RANBP17: variants seen among roughly 807,000 people sequenced by gnomAD.
RANBP17 encodes ran-binding protein 17.
Under a neutral mutation model 141.2 loss-of-function variants are expected in RANBP17, and 158 were observed. That is an observed-to-expected ratio of 1.12 (90% confidence interval 0.98 to 1.28). RANBP17 has a LOEUF of 1.28. Ranked by LOEUF, RANBP17 falls within the 50% of genes most tolerant of loss-of-function variation. The probability of loss-of-function intolerance (pLI) is 0.00; values close to 1 mark genes in which losing one functional copy is unlikely to be tolerated. For synonymous variants in RANBP17, 430 were observed against 450.0 expected, an observed-to-expected ratio of 0.96 and a Z score of 0.56; for missense variants, 1,438 against 1,290.7, an observed-to-expected ratio of 1.11 and a Z score of -1.75.
At chr5:171,208,688 A>T (rs1762712684) in intron 20 of RANBP17, among the ~76,000 whole-genome samples, 1 of 152,204 alleles carries the variant, frequency 6.6e-6, no homozygotes, top group African/African-American at 2.4e-5. Context: ...TTGGAATAGG[A>T]CAGTCCTAGA....
At chr5:171,090,007 G>T (rs1037308024) in intron 14 of RANBP17, among the ~76,000 whole-genome samples, 2 of 152,192 alleles carry the variant, frequency 1.3e-5, no homozygotes, top group Non-Finnish European at 2.9e-5. Flanking sequence ...TGTGAAAATG[G>T]ACCAGTATAG....
chr5:171,020,228 A>G (rs758586207), intron 14 of RANBP17, among the ~76,000 whole-genome samples: 3 of 152,174 alleles, frequency 2.0e-5, no homozygotes, highest in Non-Finnish European at 4.4e-5. Flanking sequence ...TGTCACTGAG[A>G]AGAATGTATA....
Position 170,878,095 on chromosome 5 carries a change from A to G in RANBP17, c.19-2A>G. 10 of 1,540,870 alleles carry G rather than the reference A, an allele frequency of 6.5e-6. No homozygotes were observed. The highest frequency in any genetic ancestry group is 8.7e-6 in the Non-Finnish European group (10 of 1,146,070). On this transcript the variant is annotated splice_acceptor_variant, in intron 1 of 27. Coordinates refer to ENST00000523189, the MANE Select transcript of RANBP17 (RefSeq NM_022897.5). LOFTEE classifies it high-confidence loss of function. ...AAAATGTTAATTTTTTTTTCTTTGA[A>G]GAGTTTGGCTGAATTGGAAGTGTTA...
chr5:171,060,335 T>C (rs1476926376), intron 14 of RANBP17, among the ~76,000 whole-genome samples: 1 of 150,786 alleles, frequency 6.6e-6, no homozygotes, highest in Non-Finnish European at 1.5e-5. Flanking sequence ...TTGAGATACG[T>C]CCCATCAATA....
At chr5:171,103,919 T>A (rs245773) in intron 14 of RANBP17, among the ~76,000 whole-genome samples, 1 of 151,666 alleles carries the variant, frequency 6.6e-6, no homozygotes, top group Non-Finnish European at 1.5e-5. Context: ...CGGCTCGCCC[T>A]CTGTGGACTG....
At chr5:171,154,023 A>G (rs1029964483) in intron 14 of RANBP17, among the ~76,000 whole-genome samples, 1 of 151,694 alleles carries the variant, frequency 6.6e-6, no homozygotes, top group Non-Finnish European at 1.5e-5. Context: ...GCAAAACTCC[A>G]TCTCAAAAAA....
At chr5:170,863,123 C>T (rs1160296977) in intron 1 of RANBP17, among the ~76,000 whole-genome samples, 3 of 152,150 alleles carry the variant, frequency 2.0e-5, no homozygotes, top group Non-Finnish European at 4.4e-5. Flanking sequence ...TTGCAGTCTA[C>T]TGGTCCTTGA....
Position 170,920,230 on chromosome 5 carries a change from A to T in RANBP17, c.1274+617A>T, listed in dbSNP as rs184672620. 3.0e-4 allele frequency among the ~76,000 whole-genome samples: 45 copies of T among 152,250 alleles called. 2 individuals carry two copies. Among genetic ancestry groups the T allele is most frequent in the African/African-American group, 1.1e-3 (44 of 41,558 alleles). ...ATATAGTATATATTTTACTTCGTAA[A>T]AGCTGCCGAACTATTTTCCAAAGTG... On this transcript the variant is annotated intron_variant, in intron 11 of 27. Coordinates refer to ENST00000523189, the MANE Select transcript of RANBP17 (RefSeq NM_022897.5).
chr5:171,073,999 A>G (rs1473455035), intron 14 of RANBP17, among the ~76,000 whole-genome samples: 1 of 152,198 alleles, frequency 6.6e-6, no homozygotes, highest in Non-Finnish European at 1.5e-5. Context: ...TTTAATAATT[A>G]TATAAATACT....
intron 14 of RANBP17, among the ~76,000 whole-genome samples, chr5:171,089,754 G>A (rs924698624): frequency 1.3e-5 from 2 of 151,964 alleles, no homozygotes; most frequent in Non-Finnish European, 2.9e-5. Flanking sequence ...TCTTTGACTC[G>A]GAAAGGGAAC....
rs200406647 is a variant in RANBP17, at chr5:170,897,361, T to TC, written c.489+1246_489+1247insC. On this transcript the variant is annotated intron_variant, in intron 5 of 27. Transcript: ENST00000523189. ...GCACATTTCTTCTTCTTCTTCTTCT[T>TC]TTTTTTTTTTAAATATTCCATTGCG... 1,494 of 473,012 alleles carry TC rather than the reference T, an allele frequency of 3.2e-3. 3 individuals are homozygous for TC. The highest frequency in any genetic ancestry group is 6.6e-3 in the African/African-American group (320 of 48,372). 29.3% of individuals were successfully genotyped at this position (473,012 alleles called of 1,614,324 possible).
At chr5:171,175,016 G>T (rs1760352370) in intron 16 of RANBP17, among the ~76,000 whole-genome samples, 1 of 151,918 alleles carries the variant, frequency 6.6e-6, no homozygotes, top group Admixed American at 6.6e-5. Flanking sequence ...TGTTGTCATT[G>T]TTCACCTCCC....
chr5:171,122,332 C>T (rs960077540), intron 14 of RANBP17, among the ~76,000 whole-genome samples: 2 of 152,162 alleles, frequency 1.3e-5, no homozygotes, highest in Admixed American at 6.5e-5. Context: ...AGCTATCTTG[C>T]TGACATCTTG....
chr5:170,878,569 G>A (rs1284130101), intron 2 of RANBP17, among the ~76,000 whole-genome samples: 1 of 151,964 alleles, frequency 6.6e-6, no homozygotes, highest in Non-Finnish European at 1.5e-5. Flanking sequence ...TCTAGATAGG[G>A]GAGGCAGATT....
chr5:171,051,315 G>A (rs375870279), intron 14 of RANBP17, among the ~76,000 whole-genome samples: 2 of 151,980 alleles, frequency 1.3e-5, no homozygotes, highest in East Asian at 1.9e-4. Flanking sequence ...TAGTGCATTC[G>A]CCACCTCTCT....
chr5:171,165,638 G>A (rs960529630), intron 14 of RANBP17, among the ~76,000 whole-genome samples: 5 of 152,138 alleles, frequency 3.3e-5, no homozygotes, highest in Admixed American at 3.3e-4. Context: ...TCACGACAGT[G>A]TTCTAAGACA....
chr5:171,218,637 T>G (rs1763367660), intron 21 of RANBP17, among the ~76,000 whole-genome samples: 2 of 152,212 alleles, frequency 1.3e-5, no homozygotes, highest in South Asian at 4.1e-4. Flanking sequence ...GTTGCATTGA[T>G]CCCTTTAGCA....
At chr5:171,171,364 G>T in intron 16 of RANBP17, 78 bp downstream of exon 16, 1 of 816,140 alleles carries the variant, frequency 1.2e-6, no homozygotes, top group East Asian at 2.7e-5. Context: ...TATTCTCCTT[G>T]TTTATAATTT....
At chr5:170,914,453 C>T (rs74522321) in intron 8 of RANBP17, among the ~76,000 whole-genome samples, 4,599 of 152,198 alleles carry the variant, frequency 0.03, 228 homozygotes, top group African/African-American at 0.1. Context: ...AGCCTAGAAC[C>T]AGTAACTGTT....
Sources: gnomAD v4.1 joint callset for allele counts (sites outside exome capture counted in the v4.1 genomes callset) on GRCh38, gnomAD v4.1.1 for gene constraint, MANE v1.5 for transcripts, NCBI Gene and HGNC (gene_info 2026-07-23, HGNC 2026-07-21) for gene names.